The following KCNT2 variants were observed in gnomAD, a reference collection of about 807,000 sequenced individuals.
KCNT2 encodes the protein potassium channel subfamily T member 2.
Under a neutral mutation model 153.8 loss-of-function variants are expected in KCNT2, and 67 were observed. That is an observed-to-expected ratio of 0.44 (90% CI 0.36 to 0.53). KCNT2 has a LOEUF of 0.53. KCNT2 is among the 20% of genes least tolerant of loss of function. The pLI is 0.00. For synonymous variants in KCNT2, 500 were observed against 458.8 expected (o/e 1.09, Z -1.15); for missense variants, 975 against 1,354.8 (o/e 0.72, Z 4.40).
chr1:196,333,430 G>A (rs1406374822), intron 17 of KCNT2, among the ~76,000 whole-genome samples: 1 of 152,066 alleles, frequency 6.6e-6, no homozygotes, highest in Non-Finnish European at 1.5e-5. Context: ...AAGCTTAATG[G>A]AAGGGGCTGT....
chr1:196,489,400 G>A (rs1233187928), intron 3 of KCNT2, among the ~76,000 whole-genome samples: 3 of 151,710 alleles, frequency 2.0e-5, no homozygotes, highest in Non-Finnish European at 2.9e-5. Flanking sequence ...ATATGTAAAA[G>A]AGAAACAGTC....
At chr1:196,436,405 T>C (rs1000311285) in intron 8 of KCNT2, among the ~76,000 whole-genome samples, 34 of 151,532 alleles carry the variant, frequency 2.2e-4, no homozygotes, top group African/African-American at 8.2e-4. Flanking sequence ...AGACAGTTGA[T>C]TGTTACCTAT....
At chr1:196,370,699 C>T (rs1339056592) in intron 14 of KCNT2, among the ~76,000 whole-genome samples, 1 of 152,112 alleles carries the variant, frequency 6.6e-6, no homozygotes, top group Non-Finnish European at 1.5e-5. Context: ...AGCAATTCTA[C>T]TCCTAGATAT....
At chr1:196,586,716 T>G (rs1465567948) in intron 1 of KCNT2, among the ~76,000 whole-genome samples, 1 of 143,024 alleles carries the variant, frequency 7.0e-6, no homozygotes, top group Non-Finnish European at 1.5e-5. Context: ...TCAAGAGGAT[T>G]AAAAAAAACA....
chr1:196,455,163 C>T (rs957555430), intron 8 of KCNT2, among the ~76,000 whole-genome samples: 1 of 151,928 alleles, frequency 6.6e-6, no homozygotes, highest in Admixed American at 6.6e-5. Context: ...GCCAGCCCCA[C>T]AGTTTTCTTC....
chr1:196,271,642 A>G (rs181473468), intron 25 of KCNT2, among the ~76,000 whole-genome samples: 24 of 152,108 alleles, frequency 1.6e-4, no homozygotes, highest in Non-Finnish European at 3.2e-4. Context: ...AAATTATAAA[A>G]TAAGGTAAGA....
At chr1:196,597,638 C>A (rs1664246504) in intron 1 of KCNT2, among the ~76,000 whole-genome samples, 1 of 152,140 alleles carries the variant, frequency 6.6e-6, no homozygotes, top group South Asian at 2.1e-4. Context: ...TCATCTTATG[C>A]AACTGATCAT....
chr1:196,371,100 T>A (rs763666135), intron 14 of KCNT2, among the ~76,000 whole-genome samples: 9 of 151,676 alleles, frequency 5.9e-5, no homozygotes, highest in Non-Finnish European at 1.3e-4. Flanking sequence ...TAAAATGATT[T>A]CAGCTGAGCC....
chr1:196,291,971 A>G, intron 22 of KCNT2, among the ~76,000 whole-genome samples: 1 of 152,202 alleles, frequency 6.6e-6, no homozygotes, highest in East Asian at 1.9e-4. Context: ...AATAGTAATT[A>G]TATCAGAAAA....
chr1:196,326,919 C>T (rs764785752), intron 18 of KCNT2, 30 bp from the exon 19 acceptor site: 19 of 1,282,802 alleles, frequency 1.5e-5, no homozygotes, highest in South Asian at 8.8e-5. Context: ...CATTGAAATG[C>T]CATTTGGATA....
chr1:196,294,379 G>A (rs968212860), intron 22 of KCNT2, among the ~76,000 whole-genome samples: 22 of 152,070 alleles, frequency 1.4e-4, no homozygotes, highest in Admixed American at 3.9e-4. Flanking sequence ...TGGTTCAAGC[G>A]ATTCTCCTGT....
chr1:196,360,709 G>A (rs1667546148), intron 14 of KCNT2, among the ~76,000 whole-genome samples: 1 of 152,074 alleles, frequency 6.6e-6, no homozygotes, highest in African/African-American at 2.4e-5. Flanking sequence ...TGAGGACACA[G>A]CGAGAATACA....
At chr1:196,310,049 A>T (rs933436015) in intron 21 of KCNT2, among the ~76,000 whole-genome samples, 1 of 151,828 alleles carries the variant, frequency 6.6e-6, no homozygotes, top group Admixed American at 6.6e-5. Context: ...GATGAAAAAC[A>T]CACCATATAT....
chr1:196,531,670 C>T (rs542576416), intron 1 of KCNT2, among the ~76,000 whole-genome samples: 3 of 152,014 alleles, frequency 2.0e-5, no homozygotes, highest in East Asian at 1.9e-4. Flanking sequence ...TAAGGATACA[C>T]GATATTATTG....
At chr1:196,326,626 T>C in intron 19 of KCNT2, 91 bp downstream of exon 19, 3 of 648,004 alleles carry the variant, frequency 4.6e-6, no homozygotes, top group Non-Finnish European at 7.5e-6. Flanking sequence ...TTTAAAATAC[T>C]ACCAGAATAT....
intron 14 of KCNT2, among the ~76,000 whole-genome samples, chr1:196,372,618 T>C (rs1448740929): frequency 6.6e-6 from 1 of 151,932 alleles, no homozygotes. Flanking sequence ...AACCTTGAAA[T>C]GCATATAAAA....
At chr1:196,426,240 A>G (rs973210485) in intron 10 of KCNT2, among the ~76,000 whole-genome samples, 5 of 152,004 alleles carry the variant, frequency 3.3e-5, no homozygotes, top group African/African-American at 1.2e-4. Flanking sequence ...CTAAGACCAT[A>G]AGGGAAGGTA....
chr1:196,352,033 C>T (rs534720638), intron 14 of KCNT2, among the ~76,000 whole-genome samples: 1 of 152,094 alleles, frequency 6.6e-6, no homozygotes, highest in African/African-American at 2.4e-5. Flanking sequence ...ATTGAACCAG[C>T]CTTGCATCCC....
chr1:196,307,337 A>G (rs1661727051), intron 21 of KCNT2, among the ~76,000 whole-genome samples: 1 of 152,072 alleles, frequency 6.6e-6, no homozygotes, highest in Non-Finnish European at 1.5e-5. Flanking sequence ...TCTCTATACT[A>G]CGAAATCACT....
Sources: allele counts gnomAD v4.1 joint callset (sites outside exome capture counted in the v4.1 genomes callset), GRCh38; gene constraint gnomAD v4.1.1; transcripts MANE v1.5; gene names NCBI Gene and HGNC (gene_info 2026-07-23, HGNC 2026-07-21).